The following DENND1B variants were observed in gnomAD, a reference collection of about 807,000 sequenced individuals.
DENND1B encodes DENN domain containing 1B.
A neutral mutation model predicts 90.1 loss-of-function variants in DENND1B; 59 were observed. The observed-to-expected ratio is 0.65, with a 90% CI of 0.53 to 0.81. DENND1B has a LOEUF of 0.81. Among genes scored for constraint, DENND1B ranks in the 40% least tolerant of loss-of-function variants. DENND1B has a pLI of 0.00. For missense variants in DENND1B, 862 were observed against 912.6 expected (o/e 0.94, Z 0.71); for synonymous variants, 337 against 324.6 (o/e 1.04, Z -0.41).
At chr1:197,657,231 G>A (rs1045510182) in intron 6 of DENND1B, among the ~76,000 whole-genome samples, 15 of 152,040 alleles carry the variant, frequency 9.9e-5, no homozygotes, top group African/African-American at 1.9e-4. Flanking sequence ...AACAAAAAAC[G>A]CAACATGATT....
chr1:197,523,519 C>T (rs1469220915), intron 20 of DENND1B, among the ~76,000 whole-genome samples: 1 of 152,150 alleles, frequency 6.6e-6, no homozygotes, highest in East Asian at 1.9e-4. Flanking sequence ...CAGATGTTAA[C>T]TGCTTTGGAG....
intron 15 of DENND1B, among the ~76,000 whole-genome samples, chr1:197,568,259 T>TA (rs1036171894): frequency 3.3e-5 from 5 of 151,860 alleles, no homozygotes; most frequent in African/African-American, 1.2e-4. Flanking sequence ...TACAATAGCA[T>TA]AAAAAAATAC....
chr1:197,510,906 C>T lies in DENND1B; in HGVS notation c.1882G>A (p.Glu628Lys), dbSNP rs781549383. 2 of 1,595,490 alleles carry T rather than the reference C, an allele frequency of 1.3e-6. No homozygotes were observed. The highest frequency in any genetic ancestry group is 1.1e-5 in the South Asian group (1 of 87,438). The change falls in exon 23 of 23, where the codon GAG becomes AAG. Residue 628 changes from glutamate to lysine, a missense_variant. Glu to Lys is a moderately conservative substitution (Grantham distance 56). Coordinates refer to ENST00000620048, the MANE Select transcript of DENND1B (RefSeq NM_001195215.2). ...CTATCGTCTTGCCCAAGATTCCACT[C>T]TGCTTGGTCACCAGAACCACCACAG... ...FLCGGSGDQA[E>K]WNLGQDDSAL...
chr1:197,529,656 T>C (rs949067964), intron 20 of DENND1B, among the ~76,000 whole-genome samples: 1 of 152,114 alleles, frequency 6.6e-6, no homozygotes, highest in Non-Finnish European at 1.5e-5. Flanking sequence ...ATCTCAGATA[T>C]ATATAACTTT....
chr1:197,510,962 T>C lies in DENND1B; in HGVS notation c.1826A>G (p.Asn609Ser), dbSNP rs1255567126. ...AGCCAGGTTATTCTCACTAGGAGCA[T>C]TAGATTTATTCTGAAAAAAAGAAGA... Reference protein sequence around the residue: ...DIDYKPTNKSNAPSENNLAFL... With the variant: ...DIDYKPTNKSSAPSENNLAFL... The change falls in exon 23 of 23, where the codon AAT becomes AGT. Residue 609 changes from asparagine to serine, a missense_variant. Transcript: ENST00000620048. 25 of 1,506,780 alleles carry C rather than the reference T, an allele frequency of 1.7e-5. No individual in the cohort carries two copies. The highest frequency in any genetic ancestry group is 2.2e-5 in the Non-Finnish European group (25 of 1,128,966). The allele number at this position is 1,506,780 out of a possible 1,614,324, so 93.3% of individuals were successfully genotyped here. A position where few individuals can be genotyped will look rare whatever the true frequency, so the allele number is the denominator to read the frequency against.
At chr1:197,643,527 A>G (rs540614556) in intron 9 of DENND1B, among the ~76,000 whole-genome samples, 1 of 152,288 alleles carries the variant, frequency 6.6e-6, no homozygotes, top group South Asian at 2.1e-4. Context: ...CCGCTGCCCC[A>G]GACAATACAT....
intron 2 of DENND1B, among the ~76,000 whole-genome samples, chr1:197,749,850 T>C (rs1448897619): frequency 6.6e-6 from 1 of 152,126 alleles, no homozygotes; most frequent in African/African-American, 2.4e-5. Flanking sequence ...TGTTGTTTGT[T>C]TGTTTGTTTG....
At chr1:197,679,510 T>C (rs1656437225) in intron 3 of DENND1B, among the ~76,000 whole-genome samples, 1 of 151,794 alleles carries the variant, frequency 6.6e-6, no homozygotes. Flanking sequence ...AGTCCCATTT[T>C]ATATAAAGGA....
At chr1:197,574,852 G>A (rs959882219) in intron 15 of DENND1B, among the ~76,000 whole-genome samples, 4 of 152,054 alleles carry the variant, frequency 2.6e-5, no homozygotes, top group African/African-American at 4.8e-5. Flanking sequence ...AAGGATTCCC[G>A]ATTTAATAAA....
intron 2 of DENND1B, among the ~76,000 whole-genome samples, chr1:197,769,658 C>T (rs1656154420): frequency 6.6e-6 from 1 of 152,100 alleles, no homozygotes; most frequent in Admixed American, 6.5e-5. Context: ...ATTATTTAAA[C>T]CAATCTTATG....
At chr1:197,733,528 C>T (rs1258732031) in intron 2 of DENND1B, among the ~76,000 whole-genome samples, 4 of 152,158 alleles carry the variant, frequency 2.6e-5, no homozygotes, top group Non-Finnish European at 5.9e-5. Flanking sequence ...GTGCAGCAGT[C>T]GGATTAGCTC....
At chr1:197,568,712 T>C (rs1042758202) in intron 15 of DENND1B, among the ~76,000 whole-genome samples, 5 of 152,134 alleles carry the variant, frequency 3.3e-5, no homozygotes, top group Admixed American at 6.6e-5. Context: ...TCCCATCAAC[T>C]GATCTTCAAC....
chr1:197,746,466 T>G (rs1326150436), intron 2 of DENND1B, among the ~76,000 whole-genome samples: 2 of 152,178 alleles, frequency 1.3e-5, no homozygotes, highest in South Asian at 2.1e-4. Flanking sequence ...AAAACTGATT[T>G]TATACCATGG....
intron 19 of DENND1B, 110 bp downstream of exon 19, chr1:197,540,849 G>T: frequency 1.0e-6 from 1 of 989,020 alleles, no homozygotes; most frequent in Non-Finnish European, 1.5e-6. Context: ...TGAACAAAGG[G>T]CTAAGCATAT....
At chr1:197,558,662 A>G (rs1445317799) in intron 15 of DENND1B, among the ~76,000 whole-genome samples, 1 of 151,840 alleles carries the variant, frequency 6.6e-6, no homozygotes, top group Non-Finnish European at 1.5e-5. Context: ...AACCTTGCTT[A>G]TGACATGATC....
Position 197,510,359 on chromosome 1 carries a change from A to C in DENND1B, c.*101T>G. 1.5e-6 allele frequency: 2 copies of C among 1,360,888 alleles called. No individual in the cohort carries two copies. The highest frequency in any genetic ancestry group is 1.7e-5 in the South Asian group (1 of 60,498). The allele number at this position is 1,360,888 out of a possible 1,614,324, so 84.3% of individuals were successfully genotyped here. ...AGAAAAATGTTGCAAATGCAAAAAA[A>C]AATTTAAATAGTATGAGTTGCCATT... On this transcript the variant is annotated 3_prime_UTR_variant, in exon 23 of 23. Transcript: ENST00000620048.
intron 2 of DENND1B, among the ~76,000 whole-genome samples, chr1:197,727,848 A>G (rs1300014404): frequency 1.3e-5 from 2 of 152,194 alleles, no homozygotes; most frequent in Non-Finnish European, 2.9e-5. Flanking sequence ...TTCTACACAT[A>G]TACAGGGACT....
At chr1:197,688,931 T>C in intron 3 of DENND1B, 1 of 215,506 alleles carries the variant, frequency 4.6e-6, no homozygotes, top group Non-Finnish European at 9.9e-6. Flanking sequence ...CAGGTATGCC[T>C]GGGTCTTGGA....
At chr1:197,670,399 T>G (rs1655366551) in intron 5 of DENND1B, among the ~76,000 whole-genome samples, 1 of 142,786 alleles carries the variant, frequency 7.0e-6, no homozygotes, top group South Asian at 2.3e-4. Context: ...TGATGTTTAC[T>G]CTCAAATGGG....
Sources: allele counts gnomAD v4.1 joint callset (sites outside exome capture counted in the v4.1 genomes callset), GRCh38; gene constraint gnomAD v4.1.1; transcripts MANE v1.5; gene names NCBI Gene and HGNC (gene_info 2026-07-23, HGNC 2026-07-21).